KCNH1: variants seen among roughly 807,000 people sequenced by gnomAD.
KCNH1 encodes the protein potassium voltage-gated channel subfamily H member 1, also known as voltage-gated delayed rectifier potassium channel KCNH1.
In KCNH1, 27 loss-of-function variants were observed where a neutral mutation model predicts 69.2. The observed-to-expected ratio is 0.39, with a 90% confidence interval of 0.29 to 0.54. KCNH1 has a LOEUF of 0.54. Among genes scored for constraint, KCNH1 ranks in the 20% least tolerant of loss-of-function variants. KCNH1 has a pLI of 0.68. For missense variants in KCNH1, 798 were observed against 1,261.6 expected (o/e 0.63, Z 5.57); for synonymous variants, 456 against 487.7 (o/e 0.93, Z 0.86).
intron 10 of KCNH1, 69 bp downstream of exon 10, chr1:210,775,279 G>A: frequency 7.4e-7 from 1 of 1,351,544 alleles, no homozygotes; most frequent in South Asian, 1.3e-5. Flanking sequence ...GGACTTTTCT[G>A]GTCACAGTGA....
Position 210,981,834 on chromosome 1 carries a change from A to C in KCNH1, c.1032+36949T>G, listed in dbSNP as rs531237262. Among the ~76,000 whole-genome samples, 7 of 152,254 alleles carry C rather than the reference A, an allele frequency of 4.6e-5. No individual in the cohort carries two copies. The South Asian group carries it at 1.4e-3, about 32-fold the overall frequency. On this transcript the variant is annotated intron_variant, in intron 6 of 10. Coordinates refer to ENST00000271751, the MANE Select transcript of KCNH1 (RefSeq NM_172362.3). ...GAGGTGAAGGCTATTTAGAAACAGAATAAAGAGCTAAAATTTTCAAGCTTT... is the reference window on the plus strand; with the variant it reads ...GAGGTGAAGGCTATTTAGAAACAGACTAAAGAGCTAAAATTTTCAAGCTTT...
At chr1:210,921,192 C>A (rs539984502) in intron 6 of KCNH1, among the ~76,000 whole-genome samples, 23 of 152,302 alleles carry the variant, frequency 1.5e-4, no homozygotes, top group South Asian at 1.0e-3. Flanking sequence ...GCAGAAGCCA[C>A]ATCATTTAAA....
intron 6 of KCNH1, among the ~76,000 whole-genome samples, chr1:210,991,297 C>T (rs2102389313): frequency 6.6e-6 from 1 of 152,232 alleles, no homozygotes; most frequent in East Asian, 1.9e-4. Flanking sequence ...AAAATCTTGT[C>T]ATTTGCAACA....
At chr1:210,696,285 G>A (rs1681637635) in intron 10 of KCNH1, among the ~76,000 whole-genome samples, 1 of 152,150 alleles carries the variant, frequency 6.6e-6, no homozygotes, top group Admixed American at 6.5e-5. Context: ...AGCCTCCTAG[G>A]TTTTGGTAAT....
chr1:210,789,814 A>T lies in KCNH1; in HGVS notation c.1915+7694T>A, dbSNP rs926480019. ...CATAACTGAGATCATATTGCATTTT[A>T]AAAATTGTATTTTACTTACTTTGCT... On this transcript the variant is annotated intron_variant, in intron 9 of 10. Coordinates refer to ENST00000271751, the MANE Select transcript of KCNH1 (RefSeq NM_172362.3). Among the ~76,000 whole-genome samples the T allele has an allele frequency of 5.3e-5, 8 of 152,220 alleles. No individual in the cohort carries two copies. In the South Asian group the frequency reaches 6.2e-4, roughly 12 times the overall value.
At position 210,797,491 on chromosome 1, in the gene KCNH1, G is replaced by T; in HGVS notation, c.1915+17C>A. On this transcript the variant is annotated intron_variant, in intron 9 of 10. Transcript: ENST00000271751. ...AACCCCAGATACCTTTGCCCATCCA[G>T]CAAAGCCAACACCTACCTAGAATGG... 6.2e-7 allele frequency: 1 copy of T among 1,611,790 alleles called. No individual in the cohort carries two copies. Among genetic ancestry groups the T allele is most frequent in the South Asian group, 1.1e-5 (1 of 91,006 alleles).
At chr1:211,009,617 CT>C (rs200927051) in intron 6 of KCNH1, among the ~76,000 whole-genome samples, 4 of 136,970 alleles carry the variant, frequency 2.9e-5, no homozygotes, top group African/African-American at 8.2e-5. Context: ...TTTTTTTTTT[CT>C]TTTTTTTTGA....
chr1:210,998,670 C>A (rs1258930997), intron 6 of KCNH1, among the ~76,000 whole-genome samples: 1 of 152,180 alleles, frequency 6.6e-6, no homozygotes, highest in African/African-American at 2.4e-5. Flanking sequence ...ACCTAATAGA[C>A]ATCTACAGAA....
At chr1:211,115,061 C>T (rs960454297) in intron 1 of KCNH1, among the ~76,000 whole-genome samples, 9 of 151,952 alleles carry the variant, frequency 5.9e-5, no homozygotes, top group East Asian at 1.9e-4. Context: ...CTCTGCATCC[C>T]GGTTTCAACC....
chr1:210,977,660 T>C (rs946241197), intron 6 of KCNH1, among the ~76,000 whole-genome samples: 5 of 152,228 alleles, frequency 3.3e-5, no homozygotes, highest in Admixed American at 6.5e-5. Flanking sequence ...TGTTGTTTGC[T>C]GGGTCAGTAG....
At chr1:210,692,200 A>G (rs1681542129) in intron 10 of KCNH1, among the ~76,000 whole-genome samples, 1 of 152,140 alleles carries the variant, frequency 6.6e-6, no homozygotes, top group Admixed American at 6.5e-5. Context: ...TCACTCTTAT[A>G]AGGCCCCTCC....
At chr1:211,013,485 G>A (rs538464834) in intron 6 of KCNH1, among the ~76,000 whole-genome samples, 2 of 152,332 alleles carry the variant, frequency 1.3e-5, no homozygotes, top group South Asian at 4.1e-4. Context: ...AGCCATGCCA[G>A]GGAATGATTC....
chr1:210,997,615 C>T (rs1689077147), intron 6 of KCNH1, among the ~76,000 whole-genome samples: 1 of 152,150 alleles, frequency 6.6e-6, no homozygotes, highest in Non-Finnish European at 1.5e-5. Context: ...AGAACTTCCC[C>T]AATTTAGCAC....
At chr1:210,902,767 C>T (rs1230529299) in intron 7 of KCNH1, among the ~76,000 whole-genome samples, 1 of 152,234 alleles carries the variant, frequency 6.6e-6, no homozygotes, top group Non-Finnish European at 1.5e-5. Context: ...TGGAATCCCT[C>T]CAGTTCTCTC....
chr1:211,111,187 A>G (rs1216797485), intron 1 of KCNH1, among the ~76,000 whole-genome samples: 1 of 152,208 alleles, frequency 6.6e-6, no homozygotes, highest in Admixed American at 6.5e-5. Flanking sequence ...GTGCTCACAA[A>G]AATGTTCTGA....
chr1:210,801,912 C>T (rs774574194), intron 8 of KCNH1, among the ~76,000 whole-genome samples: 1 of 152,214 alleles, frequency 6.6e-6, no homozygotes, highest in East Asian at 1.9e-4. Context: ...CTCTCTAGTA[C>T]ATGTTTTAAA....
intron 2 of KCNH1, 111 bp from the exon 3 acceptor site, chr1:211,103,713 CA>C (rs2102483515): frequency 1.6e-6 from 1 of 632,726 alleles, no homozygotes; most frequent in Non-Finnish European, 2.7e-6. Context: ...GTGGAACACA[CA>C]CACACACAAT....
intron 6 of KCNH1, among the ~76,000 whole-genome samples, chr1:210,950,211 GATTTC>G (rs969747307): frequency 1.5e-4 from 22 of 151,426 alleles, no homozygotes; most frequent in African/African-American, 5.1e-4. Flanking sequence ...TCTCAGTTTA[GATTTC>G]TTTTTTTTTT....
chr1:210,729,371 G>C (rs1476116759), intron 10 of KCNH1, among the ~76,000 whole-genome samples: 2 of 152,152 alleles, frequency 1.3e-5, no homozygotes, highest in Non-Finnish European at 1.5e-5. Flanking sequence ...GGAAGCTTCT[G>C]GTAGAAATAC....
Sources: allele counts gnomAD v4.1 joint callset (sites outside exome capture counted in the v4.1 genomes callset), GRCh38; gene constraint gnomAD v4.1.1; transcripts MANE v1.5; gene names NCBI Gene and HGNC (gene_info 2026-07-23, HGNC 2026-07-21).